The following TRPS1 variants were observed in gnomAD, a reference collection of about 807,000 sequenced individuals.
TRPS1 encodes zinc finger transcription factor Trps1.
A neutral mutation model predicts 101.2 loss-of-function variants in TRPS1; 6 were observed. The observed-to-expected ratio is 0.06, with a 90% CI of 0.03 to 0.12. The LOEUF is 0.12. Among genes scored for constraint, TRPS1 ranks in the 10% least tolerant of loss-of-function variants. TRPS1 has a pLI of 1.00. For synonymous variants in TRPS1, 578 were observed against 589.8 expected, an observed-to-expected ratio of 0.98 and a Z score of 0.29; for missense variants, 1,363 against 1,567.0, an observed-to-expected ratio of 0.87 and a Z score of 2.20.
intron 5 of TRPS1, among the ~76,000 whole-genome samples, chr8:115,474,862 G>C (rs1305304979): frequency 6.6e-6 from 1 of 152,014 alleles, no homozygotes; most frequent in Non-Finnish European, 1.5e-5. Context: ...TATTCTGTTT[G>C]CTCACAAGTT....
chr8:115,528,203 T>C (rs1421023128), intron 5 of TRPS1, among the ~76,000 whole-genome samples: 2 of 152,048 alleles, frequency 1.3e-5, no homozygotes, highest in Non-Finnish European at 2.9e-5. Context: ...CTATAATAAT[T>C]TGCAAGCTGA....
intron 1 of TRPS1, among the ~76,000 whole-genome samples, chr8:115,647,675 T>C (rs1165312756): frequency 2.6e-5 from 4 of 152,210 alleles, no homozygotes; most frequent in Admixed American, 6.5e-5. Context: ...TTGAAAACGC[T>C]ATATGACAAA....
chr8:115,602,432 G>A (rs1041492616), intron 4 of TRPS1, among the ~76,000 whole-genome samples: 1 of 152,210 alleles, frequency 6.6e-6, no homozygotes, highest in Admixed American at 6.5e-5. Context: ...AGAGGAGCCA[G>A]AAACACTCAT....
At chr8:115,533,436 GTTTTT>G (rs1161916592) in intron 5 of TRPS1, among the ~76,000 whole-genome samples, 4 of 34,986 alleles carry the variant, frequency 1.1e-4, no homozygotes, top group South Asian at 1.1e-3. Flanking sequence ...CATGTAATCT[GTTTTT>G]TTTTTTTTTT....
chr8:115,474,919 A>G (rs1219961434), intron 5 of TRPS1, among the ~76,000 whole-genome samples: 2 of 151,980 alleles, frequency 1.3e-5, no homozygotes, highest in Non-Finnish European at 2.9e-5. Context: ...CATCAGTAAG[A>G]AAAGAGAAAA....
chr8:115,497,485 A>G (rs1219576630), intron 5 of TRPS1, among the ~76,000 whole-genome samples: 1 of 152,166 alleles, frequency 6.6e-6, no homozygotes, highest in Non-Finnish European at 1.5e-5. Context: ...CTTGGGAAAC[A>G]TCTATTTCCT....
At chr8:115,654,922 T>G (rs576360029) in intron 1 of TRPS1, among the ~76,000 whole-genome samples, 3 of 152,328 alleles carry the variant, frequency 2.0e-5, no homozygotes, top group South Asian at 4.1e-4. Context: ...ACATTTTAAT[T>G]CTATTCTCAT....
intron 5 of TRPS1, among the ~76,000 whole-genome samples, chr8:115,532,899 T>C (rs1461667522): frequency 6.6e-6 from 1 of 152,060 alleles, no homozygotes; most frequent in Non-Finnish European, 1.5e-5. Flanking sequence ...AGAGGAACAT[T>C]ATCAGATTTC....
chr8:115,478,333 G>C (rs1814657292), intron 5 of TRPS1, among the ~76,000 whole-genome samples: 1 of 152,054 alleles, frequency 6.6e-6, no homozygotes, highest in Admixed American at 6.6e-5. Context: ...CTCAGTTTTA[G>C]TGACATAACT....
At position 115,476,014 on chromosome 8, in the gene TRPS1, T is replaced by C. The variant is rs1447176680; in HGVS notation, c.2701-57562A>G. Among the ~76,000 whole-genome samples the C allele has an allele frequency of 9.5e-5, 5 of 52,824 alleles. 1 individual carries two copies. The highest frequency in any genetic ancestry group is 1.7e-4 in the Non-Finnish European group (5 of 28,602). The allele number at this position is 52,824 out of a possible 152,430, so 34.7% of individuals were successfully genotyped here. On this transcript the variant is annotated intron_variant, in intron 5 of 6. Coordinates refer to ENST00000395715, the MANE Select transcript of TRPS1 (RefSeq NM_014112.5). Reference sequence around the variant, plus strand: ...TCAGAAAATATACTTTCTTTTTTTTTTTTTTTTTTTTTTTTTTTTTTTGAG... The same window carrying C: ...TCAGAAAATATACTTTCTTTTTTTTCTTTTTTTTTTTTTTTTTTTTTTGAG...
At chr8:115,577,928 A>C (rs1186070996) in intron 5 of TRPS1, among the ~76,000 whole-genome samples, 1 of 152,166 alleles carries the variant, frequency 6.6e-6, no homozygotes, top group Non-Finnish European at 1.5e-5. Context: ...GGGTAGCAGG[A>C]GCATCATCCA....
At position 115,486,322 on chromosome 8, in the gene TRPS1, A is replaced by T. The variant is rs1339061704; in HGVS notation, c.2701-67870T>A. Among the ~76,000 whole-genome samples, 3 of 152,192 alleles carry T rather than the reference A, an allele frequency of 2.0e-5. No individual in the cohort carries two copies. The South Asian group carries it at 6.2e-4, about 31-fold the overall frequency. On this transcript the variant is annotated intron_variant, in intron 5 of 6. Transcript: ENST00000395715. ...GTTCTGACTGCTCCACTGACCAGCC[A>T]TTCCCTCATCTCTCTCCCTCTCCAA...
chr8:115,632,545 C>G (rs1278594630), intron 1 of TRPS1, among the ~76,000 whole-genome samples: 1 of 152,008 alleles, frequency 6.6e-6, no homozygotes, highest in Non-Finnish European at 1.5e-5. Context: ...ATTTCTCAAA[C>G]TGGAAACAAG....
At chr8:115,557,977 G>C (rs765603750) in intron 5 of TRPS1, among the ~76,000 whole-genome samples, 10 of 151,750 alleles carry the variant, frequency 6.6e-5, no homozygotes, top group Non-Finnish European at 1.5e-4. Flanking sequence ...CATAATTATG[G>C]TACAATTATG....
chr8:115,624,506 G>A (rs1216277311), intron 1 of TRPS1, among the ~76,000 whole-genome samples: 1 of 151,840 alleles, frequency 6.6e-6, no homozygotes, highest in Non-Finnish European at 1.5e-5. Context: ...AAGATATTTA[G>A]GCAGGTTAAA....
chr8:115,593,227 C>T (rs927312289), intron 4 of TRPS1, among the ~76,000 whole-genome samples: 1 of 152,128 alleles, frequency 6.6e-6, no homozygotes, highest in South Asian at 2.1e-4. Flanking sequence ...ACAAAATTGT[C>T]AGGAATAATC....
chr8:115,520,630 T>A (rs1013615652), intron 5 of TRPS1, among the ~76,000 whole-genome samples: 1 of 151,872 alleles, frequency 6.6e-6, no homozygotes, highest in African/African-American at 2.4e-5. Context: ...TCTTTTAATA[T>A]ACACTAGGGA....
intron 5 of TRPS1, among the ~76,000 whole-genome samples, chr8:115,459,873 T>C (rs772469215): frequency 2.6e-5 from 4 of 152,152 alleles, no homozygotes; most frequent in Admixed American, 6.5e-5. Flanking sequence ...TGTAGACCAG[T>C]GGAGTAAAGG....
intron 3 of TRPS1, among the ~76,000 whole-genome samples, chr8:115,613,781 T>C (rs1002608357): frequency 1.3e-5 from 2 of 152,216 alleles, no homozygotes; most frequent in African/African-American, 4.8e-5. Context: ...TTAGCTATTA[T>C]TAGATGTGAA....
Sources: gnomAD v4.1 joint callset for allele counts (sites outside exome capture counted in the v4.1 genomes callset) on GRCh38, gnomAD v4.1.1 for gene constraint, MANE v1.5 for transcripts, NCBI Gene and HGNC (gene_info 2026-07-23, HGNC 2026-07-21) for gene names.